Variants in NDST1 observed in about 807,000 individuals in gnomAD.
NDST1 encodes the protein bifunctional heparan sulfate N-deacetylase/N-sulfotransferase 1.
A neutral mutation model predicts 92.8 loss-of-function variants in NDST1; 35 were observed. The observed-to-expected ratio is 0.38, with a 90% confidence interval of 0.29 to 0.50. The LOEUF is 0.50. Among genes scored for constraint, NDST1 ranks in the 20% least tolerant of loss-of-function variants. The probability of loss-of-function intolerance (pLI) is 0.94; values close to 1 mark genes in which losing one functional copy is unlikely to be tolerated. For synonymous variants in NDST1, 493 were observed against 500.3 expected (o/e 0.99, Z 0.19); for missense variants, 822 against 1,182.7 (o/e 0.69, Z 4.47).
intron 9 of NDST1, among the ~76,000 whole-genome samples, chr5:150,542,241 T>G (rs1459513470): frequency 6.6e-6 from 1 of 152,192 alleles, no homozygotes; most frequent in Non-Finnish European, 1.5e-5. Flanking sequence ...TGCCAAACTC[T>G]ATAGCCTCCT....
At chr5:150,508,834 C>A (rs537170942) in intron 1 of NDST1, among the ~76,000 whole-genome samples, 2 of 152,176 alleles carry the variant, frequency 1.3e-5, no homozygotes, top group Non-Finnish European at 2.9e-5. Flanking sequence ...TCATTAGATT[C>A]TCAAAGGGTT....
At position 150,540,254 on chromosome 5, in the gene NDST1, C is replaced by T. The variant is rs1755181820; in HGVS notation, c.1739C>T (p.Pro580Leu). 2.5e-6 allele frequency: 4 copies of T among 1,605,946 alleles called. No individual in the cohort carries two copies. Among genetic ancestry groups the T allele is most frequent in the Non-Finnish European group, 3.4e-6 (4 of 1,174,422 alleles). ...YFQIFSEEKD[P>L]LWQDPCEDKR... The stretch of plus-strand genomic sequence containing the variant: ...CAGATCTTCTCCGAGGAGAAGGACC[C>T]GCTCTGGCAGGTGGGGGGCTGGGCA... The change falls in exon 8 of 15, where the codon CCG becomes CTG. Residue 580 changes from proline to leucine, a missense_variant. Coordinates refer to ENST00000261797, the MANE Select transcript of NDST1 (RefSeq NM_001543.5).
intron 8 of NDST1, 55 bp from the exon 9 acceptor site, chr5:150,541,515 A>G: frequency 1.4e-6 from 2 of 1,441,542 alleles, no homozygotes; most frequent in Non-Finnish European, 2.0e-6. Flanking sequence ...GTGCAGTGGG[A>G]GTCCACTGAC....
intron 6 of NDST1, among the ~76,000 whole-genome samples, chr5:150,537,754 GA>G (rs1477432738): frequency 6.6e-6 from 1 of 152,116 alleles, no homozygotes; most frequent in Non-Finnish European, 1.5e-5. Flanking sequence ...CTCCCCTTTC[GA>G]AAATCACTAA....
intron 2 of NDST1, among the ~76,000 whole-genome samples, chr5:150,525,697 C>A (rs111899641): frequency 2.6e-5 from 4 of 152,260 alleles, no homozygotes; most frequent in African/African-American, 9.6e-5. Context: ...GAGTGAAAGG[C>A]GCTCTTCTGG....
chr5:150,551,831 G>T lies in NDST1; in HGVS notation c.2505G>T (p.Arg835=). 1.9e-6 allele frequency: 3 copies of T among 1,613,564 alleles called. No individual in the cohort carries two copies. The highest frequency in any genetic ancestry group is 2.5e-6 in the Non-Finnish European group (3 of 1,179,532). ...KTKCLGKSKG[R]KYPEMDLDSR... ...AGTGTCTGGGCAAAAGCAAGGGCCGGAAATATCCCGAGATGGACTTGGATG... is the reference window on the plus strand; with the variant it reads ...AGTGTCTGGGCAAAAGCAAGGGCCGTAAATATCCCGAGATGGACTTGGATG... The change falls in exon 14 of 15, where the codon CGG becomes CGT. Residue 835 remains arginine, a synonymous_variant. Coordinates refer to ENST00000261797, the MANE Select transcript of NDST1 (RefSeq NM_001543.5).
chr5:150,504,116 C>G (rs1204658931), upstream of NDST1, among the ~76,000 whole-genome samples: 3 of 152,092 alleles, frequency 2.0e-5, no homozygotes, highest in Non-Finnish European at 4.4e-5. Flanking sequence ...TCACTGGTGC[C>G]CAGGCATGCC....
At chr5:150,501,552 G>A (rs939965328) in intron 1 of NDST1, among the ~76,000 whole-genome samples, 1 of 152,200 alleles carries the variant, frequency 6.6e-6, no homozygotes, top group African/African-American at 2.4e-5. Context: ...GTTGAGTCTT[G>A]TATCAGCCTC....
chr5:150,501,574 C>G (rs757663945), intron 1 of NDST1, among the ~76,000 whole-genome samples: 2 of 152,186 alleles, frequency 1.3e-5, no homozygotes, highest in African/African-American at 4.8e-5. Flanking sequence ...AGCCCCTGGT[C>G]TGTAGGGGCT....
rs1342765082 is a variant in NDST1, at chr5:150,528,085, T to C, written c.795T>C (p.Thr265=). 8 of 1,613,774 alleles carry C rather than the reference T, an allele frequency of 5.0e-6. No individual in the cohort carries two copies. Among genetic ancestry groups the C allele is most frequent in the Non-Finnish European group, 6.8e-6 (8 of 1,179,754 alleles). Reference sequence around the variant, plus strand: ...GCCTGCATGCTGCACTGCACGCCACTGTGGTCCAGGACCTGGGCCTGCACG... The same window carrying C: ...GCCTGCATGCTGCACTGCACGCCACCGTGGTCCAGGACCTGGGCCTGCACG... ...DAGLHAALHA[T]VVQDLGLHDG... The change falls in exon 3 of 15, where the codon ACT becomes ACC. Residue 265 remains threonine (T), a synonymous_variant. Transcript: ENST00000261797.
chr5:150,501,526 GT>G (rs1312970557), intron 1 of NDST1, among the ~76,000 whole-genome samples: 3 of 152,214 alleles, frequency 2.0e-5, no homozygotes, highest in African/African-American at 7.2e-5. Context: ...AACCCTCAGG[GT>G]TTTAGCTGGC....
At chr5:150,537,767 A>G (rs1008155528) in intron 6 of NDST1, among the ~76,000 whole-genome samples, 1 of 152,226 alleles carries the variant, frequency 6.6e-6, no homozygotes, top group African/African-American at 2.4e-5. Flanking sequence ...AATCACTAAT[A>G]AAAACTTGCT....
At position 150,527,967 on chromosome 5, in the gene NDST1, C is replaced by T. The variant is rs147230606; in HGVS notation, c.677C>T (p.Thr226Met). The change falls in exon 3 of 15, where the codon ACG becomes ATG. Residue 226 changes from threonine to methionine, a missense_variant. Transcript: ENST00000261797. ...GGTGTGCTCCCCGGCGAGGACTGGA[C>T]GGTTTTCCAGTCAAATCACTCCACC... ...EKGVLPGEDW[T>M]VFQSNHSTYE... The T allele has an allele frequency of 1.5e-5, 25 of 1,613,868 alleles. No homozygotes were observed. The highest frequency in any genetic ancestry group is 1.6e-4 in the Middle Eastern group (1 of 6,084).
chr5:150,531,969 G>A (rs2151284319), intron 3 of NDST1, among the ~76,000 whole-genome samples: 1 of 152,252 alleles, frequency 6.6e-6, no homozygotes, highest in South Asian at 2.1e-4. Flanking sequence ...CCTTGGAAAG[G>A]GTATGGCCCT....
upstream of NDST1, among the ~76,000 whole-genome samples, chr5:150,506,092 TGC>T (rs920423441): frequency 6.6e-5 from 10 of 152,312 alleles, no homozygotes; most frequent in African/African-American, 2.4e-4. Flanking sequence ...GCCCGCTGTG[TGC>T]TTGCACATTG....
At chr5:150,507,082 C>G (rs1326845036), upstream of NDST1, among the ~76,000 whole-genome samples, 1 of 152,196 alleles carries the variant, frequency 6.6e-6, no homozygotes, top group African/African-American at 2.4e-5. Flanking sequence ...TCTGTCACCA[C>G]TGCTGGGCCT....
intron 11 of NDST1, among the ~76,000 whole-genome samples, chr5:150,546,242 C>T (rs1218863088): frequency 7.2e-5 from 11 of 152,204 alleles, no homozygotes; most frequent in African/African-American, 2.4e-4. Context: ...GTGATCTTCC[C>T]GCCTCGGCCT....
At chr5:150,516,879 C>T (rs372749444) in intron 1 of NDST1, among the ~76,000 whole-genome samples, 18 of 151,842 alleles carry the variant, frequency 1.2e-4, no homozygotes, top group Admixed American at 3.3e-4. Flanking sequence ...TTGGTCAGGC[C>T]GGTCTTGAAC....
rs1754221018 is a variant in NDST1 at position 150,520,992 on chromosome 5, C to T, written c.-263C>T. The T allele has an allele frequency of 1.7e-6, 1 of 594,290 alleles. No homozygotes were observed. The highest frequency in any genetic ancestry group is 2.8e-5 in the East Asian group (1 of 35,976). The allele number at this position is 594,290 out of a possible 1,614,324, so 36.8% of individuals were successfully genotyped here. A position where few individuals can be genotyped will look rare whatever the true frequency, so the allele number is the denominator to read the frequency against. ...CGCCCTGGGGCACTTCTGCTCTGCA[C>T]AGGACCACGCGGGGGTTTGCCATGG... On this transcript the variant is annotated 5_prime_UTR_variant, in exon 2 of 15. Transcript: ENST00000261797.
Sources: allele counts gnomAD v4.1 joint callset (sites outside exome capture counted in the v4.1 genomes callset), GRCh38; gene constraint gnomAD v4.1.1; transcripts MANE v1.5; gene names NCBI Gene and HGNC (gene_info 2026-07-23, HGNC 2026-07-21).